The following SGCZ variants were observed in gnomAD, a reference collection of about 807,000 sequenced individuals.
SGCZ encodes the protein zeta-sarcoglycan.
SGCZ carries 40 observed loss-of-function variants against 41.3 expected under a neutral mutation model. The observed-to-expected ratio is 0.97, with a 90% CI of 0.75 to 1.26. The LOEUF is 1.26. Ranked by LOEUF, SGCZ falls within the 50% of genes most tolerant of loss-of-function variation. SGCZ has a pLI of 0.00. For synonymous variants in SGCZ, 206 were observed against 137.5 expected, an observed-to-expected ratio of 1.50 and a Z score of -3.49; for missense variants, 552 against 369.8, an observed-to-expected ratio of 1.49 and a Z score of -4.04.
chr8:14,766,827 C>T (rs1011531586), intron 1 of SGCZ, among the ~76,000 whole-genome samples: 2 of 151,132 alleles, frequency 1.3e-5, no homozygotes, highest in Non-Finnish European at 2.9e-5. Flanking sequence ...GTCTGCCCGC[C>T]TCGGCCTCCC....
intron 1 of SGCZ, among the ~76,000 whole-genome samples, chr8:14,844,320 C>A (rs1473113984): frequency 6.6e-6 from 1 of 152,102 alleles, no homozygotes; most frequent in African/African-American, 2.4e-5. Context: ...AGATTCTTTT[C>A]TTTCCCTAAT....
In SGCZ at chr8:14,540,385, T is replaced by C. The variant is rs140805339; in HGVS notation, c.234+14347A>G. Among the ~76,000 whole-genome samples the C allele has an allele frequency of 8.3e-3, 1,267 of 151,738 alleles. 22 individuals carry two copies. Among genetic ancestry groups the C allele is most frequent in the African/African-American group, 0.029 (1,183 of 41,476 alleles). ...TTATGGCTGAATATTACCTTTCTAA[T>C]ACAAACTTTCACCTGCCTTTGAGTT... On this transcript the variant is annotated intron_variant, in intron 2 of 7. Transcript: ENST00000382080.
intron 1 of SGCZ, among the ~76,000 whole-genome samples, chr8:15,138,534 G>T (rs774332727): frequency 6.6e-6 from 1 of 152,094 alleles, no homozygotes; most frequent in Non-Finnish European, 1.5e-5. Context: ...GGAAGTAACT[G>T]AAGCATGAGG....
intron 2 of SGCZ, among the ~76,000 whole-genome samples, chr8:14,546,728 G>A (rs995489410): frequency 1.3e-5 from 2 of 151,946 alleles, no homozygotes; most frequent in Non-Finnish European, 1.5e-5. Context: ...TATATTTAAT[G>A]GTGTTATATG....
At position 14,128,368 on chromosome 8, in the gene SGCZ, C is replaced by T. The variant is rs572116576; in HGVS notation, c.548-20133G>A. On this transcript the variant is annotated intron_variant, in intron 5 of 7. Transcript: ENST00000382080. ...ATCACAATGAGATATCATTTTACAC[C>T]GTTCGGAACAGCTACTATTAAAACT... Among the ~76,000 whole-genome samples the T allele has an allele frequency of 5.9e-5, 9 of 152,230 alleles. No homozygotes were observed. The East Asian group carries it at 1.7e-3, about 29-fold the overall frequency.
chr8:14,183,705 G>A (rs1471978982), intron 4 of SGCZ, among the ~76,000 whole-genome samples: 3 of 152,154 alleles, frequency 2.0e-5, no homozygotes, highest in Non-Finnish European at 2.9e-5. Flanking sequence ...CTACCTATAC[G>A]TATTAAACAC....
intron 1 of SGCZ, among the ~76,000 whole-genome samples, chr8:14,962,571 A>G (rs1394605506): frequency 6.6e-6 from 1 of 152,206 alleles, no homozygotes; most frequent in African/African-American, 2.4e-5. Context: ...TTTATTAGTT[A>G]AATATAAACA....
chr8:14,226,374 G>C (rs1300100242), intron 4 of SGCZ, among the ~76,000 whole-genome samples: 2 of 151,974 alleles, frequency 1.3e-5, no homozygotes, highest in African/African-American at 4.8e-5. Flanking sequence ...ACTCTCTTGT[G>C]CTATCGCTTT....
intron 2 of SGCZ, among the ~76,000 whole-genome samples, chr8:14,401,282 ATTT>A (rs71209044): frequency 6.7e-6 from 1 of 149,642 alleles, no homozygotes; most frequent in African/African-American, 2.5e-5. Flanking sequence ...ATTTTTATTT[ATTT>A]TTTTTTCTTT....
chr8:14,773,627 A>T (rs7831691), intron 1 of SGCZ, among the ~76,000 whole-genome samples: 6,531 of 152,180 alleles, frequency 0.043, 467 homozygotes, highest in African/African-American at 0.15. Context: ...AAATCAAATT[A>T]CTTCTCCTCT....
At chr8:14,241,601 C>T (rs549367666) in intron 3 of SGCZ, among the ~76,000 whole-genome samples, 1 of 151,312 alleles carries the variant, frequency 6.6e-6, no homozygotes, top group Admixed American at 6.6e-5. Flanking sequence ...TCCTCCAAGC[C>T]AATAAATCTC....
chr8:15,106,606 C>T (rs1047748507), intron 1 of SGCZ, among the ~76,000 whole-genome samples: 2 of 152,048 alleles, frequency 1.3e-5, no homozygotes, highest in African/African-American at 4.8e-5. Context: ...TATAACCTGT[C>T]ACTTTATTGA....
intron 2 of SGCZ, among the ~76,000 whole-genome samples, chr8:14,434,024 G>C (rs955752926): frequency 6.6e-6 from 1 of 152,062 alleles, no homozygotes; most frequent in Non-Finnish European, 1.5e-5. Context: ...TTGGGTTCTT[G>C]GTCATGAAAT....
At chr8:15,047,220 A>C (rs927352000) in intron 1 of SGCZ, among the ~76,000 whole-genome samples, 1 of 152,070 alleles carries the variant, frequency 6.6e-6, no homozygotes, top group African/African-American at 2.4e-5. Context: ...TGTTCAAAAC[A>C]AACTGTCTCT....
intron 1 of SGCZ, among the ~76,000 whole-genome samples, chr8:14,577,973 T>A (rs1424894015): frequency 6.6e-6 from 1 of 152,190 alleles, no homozygotes; most frequent in Non-Finnish European, 1.5e-5. Context: ...CAGAATGAGC[T>A]TGATATGCAC....
At chr8:14,173,806 T>C (rs1804462243) in intron 4 of SGCZ, among the ~76,000 whole-genome samples, 1 of 152,104 alleles carries the variant, frequency 6.6e-6, no homozygotes, top group Non-Finnish European at 1.5e-5. Flanking sequence ...AATTGCATTT[T>C]AAATATAAAT....
intron 2 of SGCZ, among the ~76,000 whole-genome samples, chr8:14,428,370 G>A (rs1230847042): frequency 6.6e-6 from 1 of 151,944 alleles, no homozygotes; most frequent in Non-Finnish European, 1.5e-5. Context: ...CGGGATGCAA[G>A]GAGTTTGACT....
chr8:14,867,260 A>G (rs1027491745), intron 1 of SGCZ, among the ~76,000 whole-genome samples: 2 of 152,162 alleles, frequency 1.3e-5, no homozygotes, highest in Non-Finnish European at 2.9e-5. Context: ...ATCTCCATCC[A>G]TATCCCTGCA....
chr8:14,542,484 C>G (rs1803499757), intron 2 of SGCZ, among the ~76,000 whole-genome samples: 1 of 152,048 alleles, frequency 6.6e-6, no homozygotes, highest in South Asian at 2.1e-4. Context: ...GACACTTTAA[C>G]TAAATTTTCT....
Sources: allele counts gnomAD v4.1 joint callset (sites outside exome capture counted in the v4.1 genomes callset), GRCh38; gene constraint gnomAD v4.1.1; transcripts MANE v1.5; gene names NCBI Gene and HGNC (gene_info 2026-07-23, HGNC 2026-07-21).